The following NCAPG2 variants were observed in gnomAD, a reference collection of about 807,000 sequenced individuals.
NCAPG2 encodes condensin-2 complex subunit G2.
In NCAPG2, 53 loss-of-function variants were observed where a neutral mutation model predicts 141.1. The observed-to-expected ratio is 0.38, with a 90% confidence interval of 0.30 to 0.47. NCAPG2 has a LOEUF of 0.47. Ranked by LOEUF, NCAPG2 falls within the 20% of genes least tolerant of loss-of-function variation. The pLI is 0.99. For synonymous variants in NCAPG2, 499 were observed against 490.7 expected (o/e 1.02, Z -0.22); for missense variants, 1,087 against 1,389.0 (o/e 0.78, Z 3.46).
chr7:158,688,986 C>T (rs904193982), intron 6 of NCAPG2, among the ~76,000 whole-genome samples: 1 of 152,168 alleles, frequency 6.6e-6, no homozygotes, highest in African/African-American at 2.4e-5. Context: ...GATGTGCCTG[C>T]TGAGCCATGA....
intron 24 of NCAPG2, among the ~76,000 whole-genome samples, chr7:158,648,899 T>C (rs113485683): frequency 0.056 from 1,636 of 29,146 alleles, 80 homozygotes; most frequent in African/African-American, 0.099. Flanking sequence ...AAATGGACTA[T>C]AACCACGCCA....
chr7:158,656,749 G>A, intron 17 of NCAPG2, 44 bp from the exon 18 acceptor site: 2 of 1,595,222 alleles, frequency 1.3e-6, no homozygotes, highest in African/African-American at 1.3e-5. Context: ...TTTCAACGGA[G>A]ACTCCCCAAC....
intron 12 of NCAPG2, 38 bp downstream of exon 12, chr7:158,675,439 A>T: frequency 1.3e-6 from 2 of 1,485,746 alleles, no homozygotes; most frequent in Non-Finnish European, 1.8e-6. Context: ...TTATTCTACA[A>T]CAAATAAACA....
chr7:158,701,748 G>C, intron 2 of NCAPG2, 74 bp downstream of exon 2: 2 of 1,290,680 alleles, frequency 1.5e-6, no homozygotes, highest in Non-Finnish European at 1.1e-6. Context: ...GTTTCTTTTG[G>C]GGACATAATG....
intron 23 of NCAPG2, 126 bp from the exon 24 acceptor site, chr7:158,651,098 T>G: frequency 9.8e-7 from 1 of 1,024,444 alleles, no homozygotes; most frequent in Non-Finnish European, 1.3e-6. Context: ...CTGATCTTGT[T>G]TGCCTGCTAC....
chr7:158,637,048 T>G (rs10258535), intron 27 of NCAPG2, among the ~76,000 whole-genome samples: 5 of 151,376 alleles, frequency 3.3e-5, no homozygotes, highest in African/African-American at 1.2e-4. Flanking sequence ...CCCGGGTTCA[T>G]GCCATTCTCC....
chr7:158,687,381 C>A lies in NCAPG2; in HGVS notation c.734G>T (p.Gly245Val). ...WNINFIKMIH[G>V]TIKNQLQGLQ... Reference sequence around the variant, plus strand: ...TCCCTGTAACTGGTTTTTAATGGTCCCGTGGATCATTTTGATGAAGTTGAT... The same window carrying A: ...TCCCTGTAACTGGTTTTTAATGGTCACGTGGATCATTTTGATGAAGTTGAT... Residue 245 changes from glycine (G) to valine (V), a missense_variant, in exon 7 of 28, where the codon GGG (glycine) becomes GTG (valine). Coordinates refer to ENST00000356309, the MANE Select transcript of NCAPG2 (RefSeq NM_017760.7). 6.2e-7 allele frequency: 1 copy of A among 1,610,348 alleles called. No homozygotes were observed. Among genetic ancestry groups the A allele is most frequent in the South Asian group, 1.1e-5 (1 of 90,256 alleles).
chr7:158,651,922 T>C (rs1301434197), intron 23 of NCAPG2, among the ~76,000 whole-genome samples: 1 of 152,270 alleles, frequency 6.6e-6, no homozygotes, highest in Non-Finnish European at 1.5e-5. Flanking sequence ...TGGAAAACTC[T>C]GTGAACTTAA....
chr7:158,671,075 T>C lies in NCAPG2; in HGVS notation c.1479+439A>G, dbSNP rs184609010. 2.7e-3 allele frequency among the ~76,000 whole-genome samples: 298 copies of C among 112,438 alleles called. 1 individual carries two copies. In the Middle Eastern group the frequency reaches 0.03, roughly 11 times the overall value. The allele number at this position is 112,438 out of a possible 152,430, so 73.8% of individuals were successfully genotyped here. A position where few individuals can be genotyped will look rare whatever the true frequency, so the allele number is the denominator to read the frequency against. On this transcript the variant is annotated intron_variant, in intron 13 of 27. Transcript: ENST00000356309. ...AAGTGGGTGTCTCCCTCCTTCACTC[T>C]GTGTGGGGCAGGGGGGTGGGGGTGG...
chr7:158,633,405 C>T lies in NCAPG2; in HGVS notation c.3381-1688G>A, dbSNP rs554033831. 5.2e-4 allele frequency among the ~76,000 whole-genome samples: 79 copies of T among 152,358 alleles called. No homozygotes were observed. Among genetic ancestry groups the T allele is most frequent in the African/African-American group, 1.8e-3 (74 of 41,584 alleles). Reference sequence around the variant, plus strand: ...AAAGACTCTTATTACTCACCCACCACTATCACTCTGGAAGCGCCTGGGCCA... The same window carrying T: ...AAAGACTCTTATTACTCACCCACCATTATCACTCTGGAAGCGCCTGGGCCA... On this transcript the variant is annotated intron_variant, in intron 27 of 27. Transcript: ENST00000356309. This position sits in a 1 kb window ranked among gnomAD's most constrained non-coding sequence, Gnocchi z 4.1.
At chr7:158,635,945 T>G (rs1587037296) in intron 27 of NCAPG2, among the ~76,000 whole-genome samples, 3 of 152,234 alleles carry the variant, frequency 2.0e-5, no homozygotes, top group Admixed American at 2.0e-4. Flanking sequence ...GTTAGATTGA[T>G]TTTTCTTGTT....
intron 2 of NCAPG2, among the ~76,000 whole-genome samples, chr7:158,694,598 C>T (rs1173334998): frequency 2.0e-5 from 3 of 152,150 alleles, no homozygotes; most frequent in African/African-American, 7.2e-5. Flanking sequence ...TTAATCAGAT[C>T]CTCAACAGAT....
rs745424455 is a variant in NCAPG2 at position 158,664,219 on chromosome 7, C to T, written c.1780G>A (p.Glu594Lys). 1 of 1,613,560 alleles carries T rather than the reference C, an allele frequency of 6.2e-7. No individual in the cohort carries two copies. The highest frequency in any genetic ancestry group is 8.5e-7 in the Non-Finnish European group (1 of 1,179,412). ...RAVREPPEDE[E>K]EEDGREKENV... is the part of the protein sequence containing the mutation. ...TCCTTCTCCCTTCCGTCCTCTTCCT[C>T]CTCGTCCTCTGGAGGCTCTCTCACT... is the stretch of plus-strand genomic sequence containing the variant. Residue 594 changes from glutamate (E) to lysine (K), a missense_variant, in exon 15 of 28, where the codon GAG becomes AAG. Transcript: ENST00000356309.
intron 2 of NCAPG2, among the ~76,000 whole-genome samples, chr7:158,700,561 T>C (rs192460945): frequency 8.9e-4 from 135 of 152,354 alleles, no homozygotes; most frequent in African/African-American, 3.1e-3. Flanking sequence ...AAAGCAGACA[T>C]TTATATATTA....
chr7:158,655,555 T>G (rs1038359212), intron 19 of NCAPG2, 100 bp from the exon 20 acceptor site: 23 of 1,000,424 alleles, frequency 2.3e-5, no homozygotes, highest in Non-Finnish European at 3.3e-5. Context: ...TCAGGCGAGC[T>G]GAAAAGACCC....
intron 8 of NCAPG2, among the ~76,000 whole-genome samples, chr7:158,683,749 A>C (rs1345098947): frequency 6.6e-6 from 1 of 152,258 alleles, no homozygotes; most frequent in African/African-American, 2.4e-5. Flanking sequence ...ACTGACCTGG[A>C]CAACCTTCAG....
rs1437718875 is a variant in NCAPG2 at position 158,664,449 on chromosome 7, C to T, written c.1702+79G>A. On this transcript the variant is annotated intron_variant, in intron 14 of 27. Coordinates refer to ENST00000356309, the MANE Select transcript of NCAPG2 (RefSeq NM_017760.7). ...TAAAGTATGAAGCTTATTAAATTGA[C>T]AAATACTGAACTCTGTAATTTGTAT... 4 of 1,540,680 alleles carry T rather than the reference C, an allele frequency of 2.6e-6. No individual in the cohort carries two copies. The Admixed American group carries it at 5.4e-5, about 21-fold the overall frequency.
At position 158,648,863 on chromosome 7, in the gene NCAPG2, C is replaced by T. The variant is rs1247500132; in HGVS notation, c.3075+1969G>A. ...ACAACCACGGCAAATGGACTACAAC[C>T]ACGGCAAATGGACTATAACCACGGC... On this transcript the variant is annotated intron_variant, in intron 24 of 27. Transcript: ENST00000356309. Among the ~76,000 whole-genome samples, 3 of 152,092 alleles carry T rather than the reference C, an allele frequency of 2.0e-5. 1 individual carries two copies. The highest frequency in any genetic ancestry group is 7.2e-5 in the African/African-American group (3 of 41,384).
intron 17 of NCAPG2, among the ~76,000 whole-genome samples, chr7:158,657,080 T>C (rs988015552): frequency 6.6e-6 from 1 of 152,186 alleles, no homozygotes; most frequent in African/African-American, 2.4e-5. Context: ...AAAAATAATT[T>C]TTATTGAGAT....
Sources: gnomAD v4.1 joint callset for allele counts (sites outside exome capture counted in the v4.1 genomes callset) on GRCh38, gnomAD v4.1.1 for gene constraint, Gnocchi (gnomAD v3.1) non-coding constraint, MANE v1.5 for transcripts, NCBI Gene and HGNC (gene_info 2026-07-23, HGNC 2026-07-21) for gene names.